Variants in FCMR observed in about 807,000 individuals in gnomAD.
The protein encoded by FCMR is immunoglobulin mu Fc receptor.
A neutral mutation model predicts 41.6 loss-of-function variants in FCMR; 34 were observed. The observed-to-expected ratio is 0.82, with a 90% CI of 0.62 to 1.09. The LOEUF (loss-of-function observed/expected upper bound fraction) is 1.09, where lower values mean the gene tolerates loss of function less well. Ranked by LOEUF, FCMR falls within the 50% of genes least tolerant of loss-of-function variation. The pLI is 0.00. For missense variants in FCMR, 496 were observed against 512.5 expected (o/e 0.97, Z 0.31); for synonymous variants, 209 against 211.8 (o/e 0.99, Z 0.12).
chr1:206,922,605 C>A (rs1273432035), upstream of FCMR, among the ~76,000 whole-genome samples: 5 of 152,208 alleles, frequency 3.3e-5, no homozygotes, highest in Admixed American at 1.3e-4. Flanking sequence ...CCAAAGTGTC[C>A]CCACAAGGTG....
rs753534621 is a variant in FCMR, at chr1:206,914,050, C to G, written c.82G>C (p.Glu28Gln). The G allele has an allele frequency of 4.3e-6, 7 of 1,613,982 alleles. No homozygotes were observed. The East Asian group carries it at 1.3e-4, about 31-fold the overall frequency. The change falls in exon 2 of 8, where the codon GAG becomes CAG. Residue 28 changes from glutamate to glutamine, a missense_variant. Glu to Gln is a conservative substitution (Grantham distance 29). Transcript: ENST00000367091. ...RILPEVKVEG[E>Q]LGGSVTIKCP... is the part of the protein sequence containing the mutation. ...TTGATGGTAACTGATCCGCCCAGCT[C>G]CCCCTCTACCTTTACTTCTGGGAGG...
At chr1:206,917,805 T>TG (rs1679255273) in intron 1 of FCMR, 1 of 454,438 alleles carries the variant, frequency 2.2e-6, no homozygotes, top group South Asian at 1.6e-5. Context: ...TTTTTTTTTT[T>TG]TTTTAGAGAT....
At chr1:206,911,585 T>C in intron 4 of FCMR, 145 bp downstream of exon 4, 1 of 714,400 alleles carries the variant, frequency 1.4e-6, no homozygotes, top group Admixed American at 3.0e-5. Flanking sequence ...AACTAATGAG[T>C]TAATGAGCTA....
chr1:206,909,539 G>C lies in FCMR; in HGVS notation c.986-19C>G. 7.5e-7 allele frequency: 1 copy of C among 1,325,904 alleles called. No homozygotes were observed. Among genetic ancestry groups the C allele is most frequent in the Non-Finnish European group, 9.6e-7 (1 of 1,041,070 alleles). The allele number at this position is 1,325,904 out of a possible 1,614,324, so 82.1% of individuals were successfully genotyped here. A position where few individuals can be genotyped will look rare whatever the true frequency, so the allele number is the denominator to read the frequency against. On this transcript the variant is annotated intron_variant, in intron 6 of 7. Coordinates refer to ENST00000367091, the MANE Select transcript of FCMR (RefSeq NM_005449.5). This position sits in a 1 kb window ranked among gnomAD's most constrained non-coding sequence, Gnocchi z 5.0. The stretch of plus-strand genomic sequence containing the variant: ...CCTGTGCCTAGGGAACAGCGAGGGC[G>C]AGGTGAGGCGGCGGCCGAGGCTCCC...
At position 206,904,716 on chromosome 1, in the gene FCMR, G is replaced by C; in HGVS notation, c.*303C>G. 1 of 352,742 alleles carries C rather than the reference G, an allele frequency of 2.8e-6. No individual in the cohort carries two copies. Among genetic ancestry groups the C allele is most frequent in the Admixed American group, 4.1e-5 (1 of 24,188 alleles). 21.9% of individuals were successfully genotyped at this position (352,742 alleles called of 1,614,324 possible). A position where few individuals can be genotyped will look rare whatever the true frequency, so the allele number is the denominator to read the frequency against. The stretch of plus-strand genomic sequence containing the variant: ...CAACCCTGTGGTCAAAGACATGGAA[G>C]AAACACTCTGCAAATCCCACAGTCT... On this transcript the variant is annotated 3_prime_UTR_variant, in exon 8 of 8. Coordinates refer to ENST00000367091, the MANE Select transcript of FCMR (RefSeq NM_005449.5).
Position 206,911,762 on chromosome 1 carries a change from G to T in FCMR, c.678C>A (p.Ser226Arg). Residue 226 changes from serine (S) to arginine (R), a missense_variant, in exon 4 of 8, where the codon AGC becomes AGA. Ser to Arg is a moderately radical substitution (Grantham distance 110). Coordinates refer to ENST00000367091, the MANE Select transcript of FCMR (RefSeq NM_005449.5). ...TGTGCAGCCTGGTGTGGTGGTTGTA[G>T]CTGGGCGTCTGGGGCTTGAGCAGCC... ...LEGLLKPQTP[S>R]YNHHTRLHRQ... The T allele has an allele frequency of 6.2e-7, 1 of 1,610,648 alleles. No homozygotes were observed. Among genetic ancestry groups the T allele is most frequent in the Non-Finnish European group, 8.5e-7 (1 of 1,179,172 alleles).
In FCMR at chr1:206,909,555, C is replaced by G; in HGVS notation, c.986-35G>C. On this transcript the variant is annotated intron_variant, in intron 6 of 7. Transcript: ENST00000367091. This position sits in a 1 kb window ranked among gnomAD's most constrained non-coding sequence, Gnocchi z 5.0. ...AGCGAGGGCGAGGTGAGGCGGCGGC[C>G]GAGGCTCCCGCCCCACCGTCATGCT... 3 of 1,311,274 alleles carry G rather than the reference C, an allele frequency of 2.3e-6. No homozygotes were observed. The highest frequency in any genetic ancestry group is 2.0e-5 in the South Asian group (1 of 48,970). 81.2% of individuals were successfully genotyped at this position (1,311,274 alleles called of 1,614,324 possible). A position where few individuals can be genotyped will look rare whatever the true frequency, so the allele number is the denominator to read the frequency against.
At chr1:206,912,824 C>T in intron 3 of FCMR, 105 bp downstream of exon 3, 1 of 799,138 alleles carries the variant, frequency 1.3e-6, no homozygotes, top group Non-Finnish European at 2.2e-6. Context: ...AGACTCAGCT[C>T]AGCTCTGCCA....
chr1:206,907,559 T>A (rs1240219014), intron 7 of FCMR: 1 of 562,206 alleles, frequency 1.8e-6, no homozygotes, highest in Non-Finnish European at 3.4e-6. Context: ...GTCTGCTGCA[T>A]TAGCTTAGTC....
intron 1 of FCMR, among the ~76,000 whole-genome samples, chr1:206,916,406 T>C (rs955204341): frequency 2.0e-5 from 3 of 152,158 alleles, no homozygotes; most frequent in African/African-American, 2.4e-5. Flanking sequence ...AGCAAGATGG[T>C]ACACAACGGG....
intron 1 of FCMR, among the ~76,000 whole-genome samples, chr1:206,920,271 A>G (rs188478709): frequency 1.3e-5 from 2 of 152,258 alleles, no homozygotes; most frequent in East Asian, 1.9e-4. Context: ...CCTGGCCAAC[A>G]TGGGAAAACC....
At chr1:206,921,664 C>T (rs1477069457) in intron 1 of FCMR, among the ~76,000 whole-genome samples, 154 bp downstream of exon 1, 2 of 152,168 alleles carry the variant, frequency 1.3e-5, no homozygotes, top group African/African-American at 4.8e-5. Context: ...GCATCCAACA[C>T]CTCACATGGC....
At chr1:206,914,138 C>T in intron 1 of FCMR, 44 bp from the exon 2 acceptor site, 1 of 1,474,864 alleles carries the variant, frequency 6.8e-7, no homozygotes, top group Non-Finnish European at 9.4e-7. Context: ...CCATCTCTAA[C>T]TATATCCCAG....
Position 206,913,798 on chromosome 1 carries a change from G to T in FCMR, c.334C>A (p.Arg112=). The change falls in exon 2 of 8, where the codon CGG becomes AGG. Residue 112 remains arginine, a synonymous_variant. Coordinates refer to ENST00000367091, the MANE Select transcript of FCMR (RefSeq NM_005449.5). ...AGGGTGACTTTCTGGGTCTTTCCCC[G>T]GTCTGTGTTCATGCCCGCTCCGCAG... ...YACGAGMNTD[R]GKTQKVTLNV... 1 of 1,614,146 alleles carries T rather than the reference G, an allele frequency of 6.2e-7. No individual in the cohort carries two copies. The highest frequency in any genetic ancestry group is 8.5e-7 in the Non-Finnish European group (1 of 1,180,016).
chr1:206,908,130 G>GA (rs1357173813), intron 7 of FCMR: 15 of 1,303,416 alleles, frequency 1.2e-5, no homozygotes, highest in Non-Finnish European at 1.5e-5. Flanking sequence ...ACAGGAAGAA[G>GA]AAACAGCTCA....
intron 4 of FCMR, among the ~76,000 whole-genome samples, 196 bp downstream of exon 4, chr1:206,911,534 G>A (rs1678938622): frequency 6.6e-6 from 1 of 152,140 alleles, no homozygotes. Flanking sequence ...CTTTCTACAG[G>A]ATCAATGCTG....
At position 206,909,532 on chromosome 1, in the gene FCMR, C is replaced by G; in HGVS notation, c.986-12G>C. On this transcript the variant is annotated splice_polypyrimidine_tract_variant and intron_variant, in intron 6 of 7. Coordinates refer to ENST00000367091, the MANE Select transcript of FCMR (RefSeq NM_005449.5). This position sits in a 1 kb window ranked among gnomAD's most constrained non-coding sequence, Gnocchi z 5.0. The stretch of plus-strand genomic sequence containing the variant: ...GGCCTCCCCTGTGCCTAGGGAACAG[C>G]GAGGGCGAGGTGAGGCGGCGGCCGA... 2.3e-6 allele frequency: 3 copies of G among 1,327,216 alleles called. No individual in the cohort carries two copies. Among genetic ancestry groups the G allele is most frequent in the Non-Finnish European group, 2.9e-6 (3 of 1,042,252 alleles). 82.2% of individuals were successfully genotyped at this position (1,327,216 alleles called of 1,614,324 possible).
rs1678843671 is a variant in FCMR at position 206,909,824 on chromosome 1, G to C, written c.886C>G (p.Leu296Val). 1 of 1,408,386 alleles carries C rather than the reference G, an allele frequency of 7.1e-7. No homozygotes were observed. Among genetic ancestry groups the C allele is most frequent in the Non-Finnish European group, 9.2e-7 (1 of 1,087,956 alleles). The allele number at this position is 1,408,386 out of a possible 1,614,324, so 87.2% of individuals were successfully genotyped here. ...ARRLAVRMRA[L>V]ESSQRPRGSP... ...CCGCGGGGCCTCTGGGAGCTCTCCA[G>C]GGCGCGCATCCTCACGGCCAGTCGG... The change falls in exon 6 of 8, where the codon CTG becomes GTG. Residue 296 changes from leucine (L) to valine (V), a missense_variant. Leu to Val is a conservative substitution (Grantham distance 32, BLOSUM62 1). Transcript: ENST00000367091. The surrounding 1 kb of genome is among the most constrained non-coding windows in gnomAD (Gnocchi z 5.0).
chr1:206,909,660 C>T lies in FCMR; in HGVS notation c.985+65G>A, dbSNP rs1413849265. 3.0e-6 allele frequency: 4 copies of T among 1,353,792 alleles called. No individual in the cohort carries two copies. Among genetic ancestry groups the T allele is most frequent in the Non-Finnish European group, 3.8e-6 (4 of 1,058,670 alleles). 83.9% of individuals were successfully genotyped at this position (1,353,792 alleles called of 1,614,324 possible). A position where few individuals can be genotyped will look rare whatever the true frequency, so the allele number is the denominator to read the frequency against. ...TGGCACCTGGGAGCGCGCCCCGCTG[C>T]GCCCGGCTTTCCCGGAGCCAGCGCA... On this transcript the variant is annotated intron_variant, in intron 6 of 7. Coordinates refer to ENST00000367091, the MANE Select transcript of FCMR (RefSeq NM_005449.5). The surrounding 1 kb of genome is among the most constrained non-coding windows in gnomAD (Gnocchi z 5.0).
Sources: gnomAD v4.1 joint callset for allele counts (sites outside exome capture counted in the v4.1 genomes callset) on GRCh38, gnomAD v4.1.1 for gene constraint, Gnocchi (gnomAD v3.1) non-coding constraint, MANE v1.5 for transcripts, NCBI Gene and HGNC (gene_info 2026-07-23, HGNC 2026-07-21) for gene names.